The following RAP1GAP2 variants were observed in gnomAD, a reference collection of about 807,000 sequenced individuals.
RAP1GAP2 encodes the protein RAP1 GTPase activating protein 2.
Under a neutral mutation model 95.0 loss-of-function variants are expected in RAP1GAP2, and 27 were observed. The ratio of observed to expected loss-of-function variants is 0.28; its 90% CI spans 0.21 to 0.39. RAP1GAP2 has a LOEUF of 0.39. RAP1GAP2 is among the 10% of genes least tolerant of loss of function. RAP1GAP2 has a pLI of 1.00. For missense variants in RAP1GAP2, 771 were observed against 970.0 expected (o/e 0.79, Z 2.72); for synonymous variants, 373 against 380.9 (o/e 0.98, Z 0.24).
intron 3 of RAP1GAP2, among the ~76,000 whole-genome samples, chr17:2,911,137 G>A (rs1350726169): frequency 6.6e-6 from 1 of 152,200 alleles, no homozygotes; most frequent in Non-Finnish European, 1.5e-5. Context: ...TGGAGCAGTA[G>A]CTGGCCTCCA....
intron 1 of RAP1GAP2, among the ~76,000 whole-genome samples, chr17:2,787,070 C>A (rs1388008742): frequency 6.6e-6 from 1 of 151,572 alleles, no homozygotes; most frequent in Non-Finnish European, 1.5e-5. Context: ...CCTGCCCCAG[C>A]CTCCCAAATA....
chr17:2,930,646 A>G (rs536092790), intron 3 of RAP1GAP2, among the ~76,000 whole-genome samples: 2 of 152,368 alleles, frequency 1.3e-5, no homozygotes, highest in African/African-American at 4.8e-5. Flanking sequence ...CTCTTTTGGT[A>G]GAAAAGCTGT....
At chr17:2,995,107 G>T (rs58962072) in intron 12 of RAP1GAP2, among the ~76,000 whole-genome samples, 24,596 of 152,130 alleles carry the variant, frequency 0.16, 2,744 homozygotes, top group African/African-American at 0.3. Flanking sequence ...GAGCCACTGC[G>T]CCCGGCCAGC....
intron 2 of RAP1GAP2, among the ~76,000 whole-genome samples, chr17:2,844,486 G>A (rs1011196744): frequency 1.3e-4 from 20 of 152,192 alleles, no homozygotes; most frequent in African/African-American, 4.8e-4. Flanking sequence ...TATGGAAAGG[G>A]GGTGGAAAAG....
chr17:3,010,176 C>G (rs1395719984), intron 17 of RAP1GAP2, among the ~76,000 whole-genome samples: 1 of 151,904 alleles, frequency 6.6e-6, no homozygotes, highest in Non-Finnish European at 1.5e-5. Flanking sequence ...CTCGTCTCCA[C>G]TAAAAATACA....
At chr17:2,959,228 G>A (rs1050239045) in intron 4 of RAP1GAP2, among the ~76,000 whole-genome samples, 1 of 152,096 alleles carries the variant, frequency 6.6e-6, no homozygotes, top group Non-Finnish European at 1.5e-5. Context: ...CCCACACAGG[G>A]TCTCTCTGAG....
rs1345516988 is a variant in RAP1GAP2 at position 3,005,631 on chromosome 17, G to A, written c.1272+191G>A. Among the ~76,000 whole-genome samples the A allele has an allele frequency of 6.6e-6, 1 of 152,154 alleles. No homozygotes were observed. The highest frequency in any genetic ancestry group is 2.4e-5 in the African/African-American group (1 of 41,438). ...ATGCTGCCAGTCTGGCCCAGCATAG[G>A]ACCACTTGTCAGGGTGTTTGACACT... On this transcript the variant is annotated intron_variant, in intron 15 of 24. Coordinates refer to ENST00000254695, the MANE Select transcript of RAP1GAP2 (RefSeq NM_015085.5). This position sits in a 1 kb window ranked among gnomAD's most constrained non-coding sequence, Gnocchi z 5.2.
upstream of RAP1GAP2, among the ~76,000 whole-genome samples, chr17:2,773,716 C>T (rs890247060): frequency 3.3e-5 from 5 of 151,294 alleles, no homozygotes; most frequent in African/African-American, 1.2e-4. Context: ...AGGATGCTCA[C>T]AGTAGACACT....
At chr17:2,997,878 G>A (rs527941303) in intron 13 of RAP1GAP2, among the ~76,000 whole-genome samples, 2 of 149,614 alleles carry the variant, frequency 1.3e-5, no homozygotes, top group Admixed American at 1.3e-4. Flanking sequence ...AGCCGAGATC[G>A]TGCCACGGCA....
chr17:2,885,898 C>T (rs1273861163), intron 2 of RAP1GAP2, among the ~76,000 whole-genome samples: 3 of 152,184 alleles, frequency 2.0e-5, no homozygotes, highest in East Asian at 1.9e-4. Flanking sequence ...ATCATCTTGT[C>T]ACTTAGGTGA....
At chr17:2,833,273 G>A (rs1053000429) in intron 2 of RAP1GAP2, among the ~76,000 whole-genome samples, 2 of 151,016 alleles carry the variant, frequency 1.3e-5, no homozygotes, top group African/African-American at 4.9e-5. Flanking sequence ...CTCCCGGGTA[G>A]CTGGGATTAC....
intron 22 of RAP1GAP2, among the ~76,000 whole-genome samples, chr17:3,028,420 C>T (rs2047193963): frequency 6.6e-6 from 1 of 152,026 alleles, no homozygotes; most frequent in South Asian, 2.1e-4. Context: ...ACAGGACAGC[C>T]CCCTAGCCAC....
intron 1 of RAP1GAP2, among the ~76,000 whole-genome samples, chr17:2,760,185 G>C (rs1004712140): frequency 6.6e-6 from 1 of 150,718 alleles, no homozygotes; most frequent in African/African-American, 2.4e-5. Context: ...CCCAGCTACT[G>C]GGGAGGCTGA....
At chr17:2,793,624 C>A (rs1379577072), upstream of RAP1GAP2, among the ~76,000 whole-genome samples, 1 of 152,214 alleles carries the variant, frequency 6.6e-6, no homozygotes, top group Non-Finnish European at 1.5e-5. Context: ...ACTGTTCCCA[C>A]TTTCACTTGT....
At position 2,825,508 on chromosome 17, in the gene RAP1GAP2, C is replaced by T. The variant is rs2070507849; in HGVS notation, c.80+24958C>T. ...CGAGCTCCTATTTGTAGCCAGCCGCCTCTGTTTTAGGAGCCGGGGATCCCT... is the reference window on the plus strand; with the variant it reads ...CGAGCTCCTATTTGTAGCCAGCCGCTTCTGTTTTAGGAGCCGGGGATCCCT... On this transcript the variant is annotated intron_variant, in intron 2 of 24. Coordinates refer to ENST00000254695, the MANE Select transcript of RAP1GAP2 (RefSeq NM_015085.5). The surrounding 1 kb of genome is among the most constrained non-coding windows in gnomAD (Gnocchi z 4.1). Among the ~76,000 whole-genome samples, 1 of 152,104 alleles carries T rather than the reference C, an allele frequency of 6.6e-6. No homozygotes were observed. The highest frequency in any genetic ancestry group is 1.9e-4 in the East Asian group (1 of 5,196).
intron 2 of RAP1GAP2, among the ~76,000 whole-genome samples, chr17:2,807,157 A>G (rs533860416): frequency 9.5e-4 from 145 of 152,302 alleles, no homozygotes; most frequent in Admixed American, 6.8e-3. Context: ...TCGGCCTCTC[A>G]AAGTGCTGGG....
chr17:2,833,130 T>C (rs1363748936), intron 2 of RAP1GAP2, among the ~76,000 whole-genome samples: 5 of 151,436 alleles, frequency 3.3e-5, no homozygotes, highest in Non-Finnish European at 7.4e-5. Context: ...CTCCTGTAAA[T>C]GGTTGTTCTT....
chr17:2,988,301 C>G (rs1479497372), intron 11 of RAP1GAP2, among the ~76,000 whole-genome samples: 1 of 152,088 alleles, frequency 6.6e-6, no homozygotes, highest in Admixed American at 6.6e-5. Flanking sequence ...TCTCATGTAC[C>G]CTTTACCTAC....
At chr17:2,921,163 G>A (rs2042754374) in intron 3 of RAP1GAP2, among the ~76,000 whole-genome samples, 1 of 151,964 alleles carries the variant, frequency 6.6e-6, no homozygotes, top group African/African-American at 2.4e-5. Context: ...CTGTGAACTT[G>A]ATGGGTTGAA....
Sources: allele counts gnomAD v4.1 joint callset (sites outside exome capture counted in the v4.1 genomes callset), GRCh38; gene constraint gnomAD v4.1.1; non-coding constraint Gnocchi (gnomAD v3.1); transcripts MANE v1.5; gene names NCBI Gene and HGNC (gene_info 2026-07-23, HGNC 2026-07-21).